The following CERS6 variants were observed in gnomAD, a reference collection of about 807,000 sequenced individuals.
The protein encoded by CERS6 is LAG1 homolog, ceramide synthase 6.
CERS6 carries 26 observed loss-of-function variants against 56.8 expected under a neutral mutation model. The ratio of observed to expected loss-of-function variants is 0.46; its 90% confidence interval spans 0.34 to 0.63. The LOEUF (loss-of-function observed/expected upper bound fraction) is 0.63, where lower values mean the gene tolerates loss of function less well. Among genes scored for constraint, CERS6 ranks in the 30% least tolerant of loss-of-function variants. The pLI, the probability that CERS6 is intolerant of heterozygous loss-of-function variation, is 0.01. For synonymous variants in CERS6, 164 were observed against 173.3 expected, an observed-to-expected ratio of 0.95 and a Z score of 0.42; for missense variants, 415 against 467.5, an observed-to-expected ratio of 0.89 and a Z score of 1.04.
intron 8 of CERS6, among the ~76,000 whole-genome samples, chr2:168,723,860 C>T (rs12478004): frequency 0.36 from 55,216 of 152,066 alleles, 12,632 homozygotes; most frequent in Non-Finnish European, 0.5. Context: ...ATTCTTCTTC[C>T]GTAATTACAT....
intron 4 of CERS6, among the ~76,000 whole-genome samples, chr2:168,655,247 T>C (rs1685440800): frequency 6.6e-6 from 1 of 152,002 alleles, no homozygotes; most frequent in Non-Finnish European, 1.5e-5. Context: ...TTGGCAAGGG[T>C]ATGGAGAAAG....
intron 4 of CERS6, among the ~76,000 whole-genome samples, chr2:168,686,264 CT>C (rs143261057): frequency 0.014 from 2,056 of 151,204 alleles, 51 homozygotes; most frequent in African/African-American, 0.048. Flanking sequence ...AGAAATCTCT[CT>C]CTTCCTCTTC....
intron 4 of CERS6, among the ~76,000 whole-genome samples, chr2:168,656,978 C>T (rs546554445): frequency 1.0e-3 from 159 of 152,166 alleles, no homozygotes; most frequent in African/African-American, 3.6e-3. Flanking sequence ...TACAGAGTGT[C>T]GATTGGTGCA....
At chr2:168,725,089 T>A (rs1233334649) in intron 8 of CERS6, among the ~76,000 whole-genome samples, 9 of 152,196 alleles carry the variant, frequency 5.9e-5, no homozygotes, top group Admixed American at 5.9e-4. Context: ...GCAGCGCCAG[T>A]GGGCTGGCAC....
Position 168,585,151 on chromosome 2 carries a change from T to C in CERS6, c.407+23829T>C, listed in dbSNP as rs546997118. 1.4e-4 allele frequency among the ~76,000 whole-genome samples: 22 copies of C among 152,396 alleles called. No homozygotes were observed. In the East Asian group the frequency reaches 4.0e-3, roughly 28 times the overall value. Reference sequence around the variant, plus strand: ...TGTCAGGAAACACACAACTCACTGATTCTCTGGGGCCCAGCCATTGATAGA... The same window carrying C: ...TGTCAGGAAACACACAACTCACTGACTCTCTGGGGCCCAGCCATTGATAGA... On this transcript the variant is annotated intron_variant, in intron 3 of 9. Transcript: ENST00000305747.
At position 168,766,426 on chromosome 2, in the gene CERS6, C is replaced by T. The variant is rs188519761; in HGVS notation, c.1002+678C>T. On this transcript the variant is annotated intron_variant, in intron 9 of 9. Transcript: ENST00000305747. The stretch of plus-strand genomic sequence containing the variant: ...AGGGGCACTCAGATGCTTTTGTTTC[C>T]ACGCATATTGTTCTGTCTAACCTAT... 2,978 of 1,244,678 alleles carry T rather than the reference C, an allele frequency of 2.4e-3. 8 individuals are homozygous for T. Among genetic ancestry groups the T allele is most frequent in the Non-Finnish European group, 3.0e-3 (2,579 of 857,526 alleles). The allele number at this position is 1,244,678 out of a possible 1,614,324, so 77.1% of individuals were successfully genotyped here.
chr2:168,627,007 C>A (rs548040890), intron 3 of CERS6, among the ~76,000 whole-genome samples: 54 of 152,142 alleles, frequency 3.5e-4, no homozygotes, highest in Non-Finnish European at 2.8e-4. Context: ...TTTAGTGGTA[C>A]TTTCATAAAG....
At chr2:168,481,044 G>C (rs1041833835) in intron 1 of CERS6, among the ~76,000 whole-genome samples, 1 of 152,134 alleles carries the variant, frequency 6.6e-6, no homozygotes, top group Admixed American at 6.5e-5. Context: ...GAAAGTTGCT[G>C]GGCACCAACC....
chr2:168,506,677 TC>T (rs1694683689), intron 1 of CERS6, among the ~76,000 whole-genome samples: 1 of 152,196 alleles, frequency 6.6e-6, no homozygotes, highest in Admixed American at 6.5e-5. Context: ...ACACTTTTTG[TC>T]TTCATTCAAA....
intron 1 of CERS6, among the ~76,000 whole-genome samples, chr2:168,481,065 T>A (rs1307180579): frequency 1.1e-4 from 17 of 152,178 alleles, no homozygotes; most frequent in Non-Finnish European, 2.9e-5. Context: ...TGGGCTTGAC[T>A]CGCAGAGAGG....
At chr2:168,745,953 G>A (rs540067079) in intron 8 of CERS6, among the ~76,000 whole-genome samples, 1 of 152,216 alleles carries the variant, frequency 6.6e-6, no homozygotes, top group African/African-American at 2.4e-5. Context: ...AGGCCCATCA[G>A]TGTAAAAAAT....
intron 8 of CERS6, among the ~76,000 whole-genome samples, chr2:168,721,572 A>ACAAAAC (rs1559067168): frequency 1.0e-5 from 1 of 98,174 alleles, no homozygotes; most frequent in East Asian, 2.4e-4. Context: ...TTTTGTTTAA[A>ACAAAAC]AAAAACCAAA....
At chr2:168,658,913 C>A (rs1338601347) in intron 4 of CERS6, among the ~76,000 whole-genome samples, 1 of 152,164 alleles carries the variant, frequency 6.6e-6, no homozygotes, top group Non-Finnish European at 1.5e-5. Context: ...TGGCATGGTG[C>A]CATCAGCTTC....
rs143421497 is a variant in CERS6, at chr2:168,533,890, A to G, written c.171-13706A>G. Among the ~76,000 whole-genome samples, 292 of 151,982 alleles carry G rather than the reference A, an allele frequency of 1.9e-3. 1 individual carries two copies. The highest frequency in any genetic ancestry group is 3.5e-3 in the Non-Finnish European group (235 of 67,990). ...TGGTTCGGTCTTTTTACGAGATCCC[A>G]TATTTCTTGGAGGCTTTGTTATTCC... On this transcript the variant is annotated intron_variant, in intron 1 of 9. Transcript: ENST00000305747.
chr2:168,706,745 C>T (rs1023278150), intron 6 of CERS6, among the ~76,000 whole-genome samples: 9 of 152,218 alleles, frequency 5.9e-5, no homozygotes, highest in African/African-American at 1.4e-4. Flanking sequence ...AAGTTAGCCA[C>T]GAGCCTATGC....
At chr2:168,578,035 G>T (rs979563738) in intron 3 of CERS6, among the ~76,000 whole-genome samples, 4 of 152,174 alleles carry the variant, frequency 2.6e-5, no homozygotes, top group African/African-American at 9.7e-5. Context: ...ACTTCACAGT[G>T]TGATGAATCA....
chr2:168,567,668 T>C (rs1037052910), intron 3 of CERS6, among the ~76,000 whole-genome samples: 2 of 152,220 alleles, frequency 1.3e-5, no homozygotes, highest in African/African-American at 4.8e-5. Flanking sequence ...TATAATACTA[T>C]TTGTGGTTCT....
Position 168,561,207 on chromosome 2 carries a change from A to C in CERS6, c.292A>C (p.Arg98=). 1 of 1,614,034 alleles carries C rather than the reference A, an allele frequency of 6.2e-7. No individual in the cohort carries two copies. Among genetic ancestry groups the C allele is most frequent in the Non-Finnish European group, 8.5e-7 (1 of 1,179,940 alleles). ...TGTTTCATAGCATCCTGATGAAAAG[A>C]GATTGGAAGGCCTCTCCAAGCAACT... ...TAITKHPDEK[R]LEGLSKQLDW... is the part of the protein sequence containing the mutation. Residue 98 remains arginine (R), a synonymous_variant, in exon 3 of 10, where the codon AGA becomes CGA. Transcript: ENST00000305747.
rs78876908 is a variant in CERS6 at position 168,592,179 on chromosome 2, A to G, written c.407+30857A>G. 4.4e-3 allele frequency among the ~76,000 whole-genome samples: 666 copies of G among 152,370 alleles called. 7 individuals carry two copies. The highest frequency in any genetic ancestry group is 0.015 in the African/African-American group (620 of 41,578). ...AAGCCATAGGGCTTCAAATGGGGTG[A>G]GTGAACAATGTTTTTAAGGATATGT... On this transcript the variant is annotated intron_variant, in intron 3 of 9. Coordinates refer to ENST00000305747, the MANE Select transcript of CERS6 (RefSeq NM_203463.3).
Sources: gnomAD v4.1 joint callset for allele counts (sites outside exome capture counted in the v4.1 genomes callset) on GRCh38, gnomAD v4.1.1 for gene constraint, MANE v1.5 for transcripts, NCBI Gene and HGNC (gene_info 2026-07-23, HGNC 2026-07-21) for gene names.